NMU: variants seen among roughly 807,000 people sequenced by gnomAD.
The protein encoded by NMU is neuromedin U.
In NMU, 29 loss-of-function variants were observed where a neutral mutation model predicts 35.4. The ratio of observed to expected loss-of-function variants is 0.82; its 90% CI spans 0.61 to 1.12. The LOEUF is 1.12. NMU is among the 50% of genes most tolerant of loss of function. The pLI, the probability that NMU is intolerant of heterozygous loss-of-function variation, is 0.00. For synonymous variants in NMU, 78 were observed against 81.3 expected (o/e 0.96, Z 0.22); for missense variants, 199 against 206.2 (o/e 0.97, Z 0.21).
chr4:55,629,275 T>A (rs964619197), intron 2 of NMU, among the ~76,000 whole-genome samples: 1 of 152,128 alleles, frequency 6.6e-6, no homozygotes. Context: ...TTCTGTCTTT[T>A]TTTTTTCCTG....
chr4:55,605,500 A>G (rs1733645051), intron 6 of NMU, 151 bp from the exon 7 acceptor site: 2 of 706,752 alleles, frequency 2.8e-6, no homozygotes. Context: ...GGTCTTTGGG[A>G]GCAATTCGAA....
chr4:55,636,006 G>T lies in NMU; in HGVS notation c.112+75C>A. ...GCCAAGTAAAGGTGAGAGAAAGAGG[G>T]TGGAGGAGAGCGGTGAGTGGAGCCA... On this transcript the variant is annotated intron_variant, in intron 1 of 9. Coordinates refer to ENST00000264218, the MANE Select transcript of NMU (RefSeq NM_006681.4). The surrounding 1 kb of genome is among the most constrained non-coding windows in gnomAD (Gnocchi z 4.0). 3.3e-6 allele frequency: 5 copies of T among 1,531,112 alleles called. No homozygotes were observed. The highest frequency in any genetic ancestry group is 4.4e-6 in the Non-Finnish European group (5 of 1,144,774). The allele number at this position is 1,531,112 out of a possible 1,614,324, so 94.8% of individuals were successfully genotyped here.
intron 2 of NMU, among the ~76,000 whole-genome samples, chr4:55,628,455 G>A (rs866843501): frequency 6.7e-6 from 1 of 149,956 alleles, no homozygotes; most frequent in Non-Finnish European, 1.5e-5. Context: ...CTGTTGCTCC[G>A]CTCTCCTTTT....
At chr4:55,607,670 T>C (rs959181852) in intron 4 of NMU, among the ~76,000 whole-genome samples, 1 of 152,214 alleles carries the variant, frequency 6.6e-6, no homozygotes, top group Non-Finnish European at 1.5e-5. Flanking sequence ...CAAATAAAGA[T>C]GTGCATAAAG....
At chr4:55,628,173 G>C (rs111382460) in intron 2 of NMU, among the ~76,000 whole-genome samples, 4,906 of 152,174 alleles carry the variant, frequency 0.032, 109 homozygotes, top group Non-Finnish European at 0.051. Flanking sequence ...CTTTTTAACA[G>C]CTTTACTGAG....
chr4:55,630,656 T>C (rs1734718310), intron 1 of NMU, among the ~76,000 whole-genome samples, 196 bp from the exon 2 acceptor site: 1 of 152,062 alleles, frequency 6.6e-6, no homozygotes, highest in South Asian at 2.1e-4. Flanking sequence ...TACGAAGATA[T>C]TACTCTCAAG....
At chr4:55,615,471 A>T (rs949189757) in intron 3 of NMU, among the ~76,000 whole-genome samples, 1 of 152,186 alleles carries the variant, frequency 6.6e-6, no homozygotes, top group Non-Finnish European at 1.5e-5. Flanking sequence ...TTGATATCAG[A>T]TCTGAAGCCA....
chr4:55,620,134 C>A (rs1273991357), intron 2 of NMU, among the ~76,000 whole-genome samples: 2 of 58,094 alleles, frequency 3.4e-5, no homozygotes, highest in Non-Finnish European at 7.3e-5. Flanking sequence ...GAACGCAGTT[C>A]CTCACCAGCA....
In NMU at chr4:55,634,447, T is replaced by C. The variant is rs532918905; in HGVS notation, c.112+1634A>G. 3.3e-5 allele frequency among the ~76,000 whole-genome samples: 5 copies of C among 152,332 alleles called. No individual in the cohort carries two copies. The South Asian group carries it at 8.3e-4, about 25-fold the overall frequency. Reference sequence around the variant, plus strand: ...GATTGGTATGTCAGCAGATATGCTCTTTTGGAAATATAAACCAAGACTCAT... The same window carrying C: ...GATTGGTATGTCAGCAGATATGCTCCTTTGGAAATATAAACCAAGACTCAT... On this transcript the variant is annotated intron_variant, in intron 1 of 9. Transcript: ENST00000264218.
chr4:55,615,861 T>A (rs1176635204), intron 3 of NMU, among the ~76,000 whole-genome samples: 1 of 152,154 alleles, frequency 6.6e-6, no homozygotes, highest in African/African-American at 2.4e-5. Context: ...TAACTCCCAC[T>A]TATAAGTGAG....
intron 1 of NMU, among the ~76,000 whole-genome samples, chr4:55,633,289 C>T (rs1423637513): frequency 6.7e-6 from 1 of 149,994 alleles, no homozygotes; most frequent in Non-Finnish European, 1.5e-5. Context: ...GGCACCACTG[C>T]ACTCCGGCCT....
At chr4:55,604,175 T>C (rs1733577249) in intron 7 of NMU, among the ~76,000 whole-genome samples, 1 of 150,190 alleles carries the variant, frequency 6.7e-6, no homozygotes. Flanking sequence ...AAGCGATTCT[T>C]CTGCCTCAGC....
chr4:55,611,329 C>T (rs1044581767), intron 3 of NMU, among the ~76,000 whole-genome samples: 3 of 152,036 alleles, frequency 2.0e-5, no homozygotes, highest in Admixed American at 1.3e-4. Flanking sequence ...TGCCACTGCA[C>T]TCCAGCCTGG....
chr4:55,617,159 T>C (rs1215013434), intron 2 of NMU, among the ~76,000 whole-genome samples: 2 of 152,202 alleles, frequency 1.3e-5, no homozygotes, highest in African/African-American at 2.4e-5. Flanking sequence ...GTCCTATTCA[T>C]GGTATTCCAT....
chr4:55,626,031 G>A (rs1734515108), intron 2 of NMU, among the ~76,000 whole-genome samples: 2 of 152,166 alleles, frequency 1.3e-5, no homozygotes, highest in Non-Finnish European at 2.9e-5. Context: ...CTACCCAGGA[G>A]AGGGAATGCT....
chr4:55,605,163 G>T, intron 7 of NMU, 112 bp downstream of exon 7: 1 of 799,530 alleles, frequency 1.3e-6, no homozygotes, highest in Non-Finnish European at 2.3e-6. Context: ...CTGGGTATTA[G>T]TGTGGGCTTA....
intron 1 of NMU, among the ~76,000 whole-genome samples, chr4:55,634,802 G>C (rs911659929): frequency 6.6e-6 from 1 of 152,104 alleles, no homozygotes; most frequent in African/African-American, 2.4e-5. Context: ...AGAAGGTTTA[G>C]GTCTGCTAGC....
intron 9 of NMU, among the ~76,000 whole-genome samples, chr4:55,597,618 G>A (rs1396084503): frequency 6.6e-6 from 1 of 152,078 alleles, no homozygotes; most frequent in African/African-American, 2.4e-5. Context: ...CGCCCACCTT[G>A]GCCTCCCAAG....
At chr4:55,597,138 A>G (rs1286912158) in intron 9 of NMU, among the ~76,000 whole-genome samples, 6 of 152,038 alleles carry the variant, frequency 3.9e-5, no homozygotes. Flanking sequence ...TATTCCTTTT[A>G]AATTTTTACA....
Sources: gnomAD v4.1 joint callset for allele counts (sites outside exome capture counted in the v4.1 genomes callset) on GRCh38, gnomAD v4.1.1 for gene constraint, Gnocchi (gnomAD v3.1) non-coding constraint, MANE v1.5 for transcripts, NCBI Gene and HGNC (gene_info 2026-07-23, HGNC 2026-07-21) for gene names.